Variants in SH3GLB2 observed in about 807,000 individuals in gnomAD.
SH3GLB2 encodes SH3 domain containing GRB2 like, endophilin B2.
SH3GLB2 carries 24 observed loss-of-function variants against 48.0 expected under a neutral mutation model. The ratio of observed to expected loss-of-function variants is 0.50; its 90% CI spans 0.36 to 0.70. The LOEUF (loss-of-function observed/expected upper bound fraction) is 0.70, where lower values mean the gene tolerates loss of function less well. Among genes scored for constraint, SH3GLB2 ranks in the 30% least tolerant of loss-of-function variants. The pLI is 0.00. For missense variants in SH3GLB2, 425 were observed against 516.0 expected (o/e 0.82, Z 1.71); for synonymous variants, 227 against 207.6 (o/e 1.09, Z -0.80).
intron 1 of SH3GLB2, among the ~76,000 whole-genome samples, chr9:129,025,166 C>T (rs1207660525): frequency 6.6e-6 from 1 of 151,272 alleles, no homozygotes; most frequent in Non-Finnish European, 1.5e-5. Context: ...ATCCCACCTA[C>T]TCGGGAGGCT....
chr9:129,026,239 TC>T (rs1300478244), intron 1 of SH3GLB2, among the ~76,000 whole-genome samples: 1 of 152,138 alleles, frequency 6.6e-6, no homozygotes, highest in Admixed American at 6.5e-5. Flanking sequence ...TAAAGTTGTT[TC>T]TTGTACCTGC....
At chr9:129,019,533 C>T (rs922746734) in intron 3 of SH3GLB2, among the ~76,000 whole-genome samples, 3 of 151,530 alleles carry the variant, frequency 2.0e-5, no homozygotes, top group African/African-American at 4.9e-5. Context: ...TGGTGAAACC[C>T]GGTCTCTGCT....
chr9:129,013,257 G>C (rs1001556602), intron 5 of SH3GLB2: 4 of 549,446 alleles, frequency 7.3e-6, no homozygotes, highest in Non-Finnish European at 1.3e-5. Context: ...CCAAGTCCTA[G>C]CTCTGGAAAG....
chr9:129,027,683 C>T (rs911213222), intron 1 of SH3GLB2, among the ~76,000 whole-genome samples: 3 of 152,234 alleles, frequency 2.0e-5, no homozygotes, highest in Non-Finnish European at 2.9e-5. Flanking sequence ...GACTGAGGCT[C>T]GGAGAAGGGG....
intron 3 of SH3GLB2, chr9:129,015,832 C>T: frequency 2.8e-6 from 1 of 352,276 alleles, no homozygotes; most frequent in Non-Finnish European, 5.8e-6. Flanking sequence ...TGCACCACTG[C>T]ACTCCAGTCT....
At chr9:129,027,892 G>C (rs1056134679) in intron 1 of SH3GLB2, among the ~76,000 whole-genome samples, 200 bp downstream of exon 1, 1 of 152,270 alleles carries the variant, frequency 6.6e-6, no homozygotes, top group Non-Finnish European at 1.5e-5. Context: ...CCAGGCAGCA[G>C]GGCCAAGGCC....
In SH3GLB2 at chr9:129,014,532, A is replaced by ACC; in HGVS notation, c.469-31_469-30dup. 6.5e-7 allele frequency: 1 copy of ACC among 1,548,684 alleles called. No individual in the cohort carries two copies. Among genetic ancestry groups the ACC allele is most frequent in the Admixed American group, 2.0e-5 (1 of 51,014 alleles). On this transcript the variant is annotated intron_variant, in intron 4 of 10. Coordinates refer to ENST00000372564, the MANE Select transcript of SH3GLB2 (RefSeq NM_020145.4). This position sits in a 1 kb window ranked among gnomAD's most constrained non-coding sequence, Gnocchi z 4.1. The stretch of plus-strand genomic sequence containing the variant: ...CAGGGCAGGGCATGGGGACAGTGAG[A>ACC]CCCTGGGCTGCCCTGGGAGACCCTG...
chr9:129,026,121 C>T (rs1844148444), intron 1 of SH3GLB2, among the ~76,000 whole-genome samples: 1 of 152,092 alleles, frequency 6.6e-6, no homozygotes, highest in African/African-American at 2.4e-5. Flanking sequence ...GTTCAGGGGC[C>T]CTCCATGCAG....
At chr9:129,010,817 TC>T (rs1843077118) in intron 6 of SH3GLB2, 124 bp from the exon 7 acceptor site, 1 of 1,217,564 alleles carries the variant, frequency 8.2e-7, no homozygotes, top group African/African-American at 1.5e-5. Flanking sequence ...CTGCCCCCCC[TC>T]CCAAACAGGA....
At position 129,022,307 on chromosome 9, in the gene SH3GLB2, T is replaced by A. The variant is rs1843860038; in HGVS notation, c.180A>T (p.Thr60=). The part of the protein sequence containing the change: ...KNWTEKILRQ[T]EVLLQPNPSA... ...TGGGGTTGGGCTGCAGCAGCACCTC[T>A]GTCTGCCTCAAGATCTTCTCTGTCC... Residue 60 remains threonine, a synonymous_variant, in exon 2 of 11, where the codon ACA becomes ACT. Coordinates refer to ENST00000372564, the MANE Select transcript of SH3GLB2 (RefSeq NM_020145.4). The A allele has an allele frequency of 6.2e-7, 1 of 1,613,946 alleles. No homozygotes were observed. Among genetic ancestry groups the A allele is most frequent in the South Asian group, 1.1e-5 (1 of 91,066 alleles).
At chr9:129,017,614 A>T (rs1198657161) in intron 3 of SH3GLB2, among the ~76,000 whole-genome samples, 1 of 151,792 alleles carries the variant, frequency 6.6e-6, no homozygotes. Flanking sequence ...AAAATACAAA[A>T]AATACGCCGG....
chr9:129,015,192 A>G (rs1389310796), intron 3 of SH3GLB2, among the ~76,000 whole-genome samples: 1 of 152,224 alleles, frequency 6.6e-6, no homozygotes, highest in Admixed American at 6.5e-5. Flanking sequence ...TCCCAAAAAA[A>G]GTAACAATAA....
chr9:129,023,504 A>C (rs1440106823), intron 1 of SH3GLB2, among the ~76,000 whole-genome samples: 1 of 152,160 alleles, frequency 6.6e-6, no homozygotes, highest in South Asian at 2.1e-4. Flanking sequence ...AGGAACAACA[A>C]ACACTGTTGG....
chr9:129,023,681 G>A (rs749759488), intron 1 of SH3GLB2, among the ~76,000 whole-genome samples: 1 of 152,178 alleles, frequency 6.6e-6, no homozygotes, highest in Non-Finnish European at 1.5e-5. Context: ...AGCTGCGGTG[G>A]GGGGTGGCGG....
Position 129,012,217 on chromosome 9 carries a change from G to T in SH3GLB2, c.624+19C>A. Reference sequence around the variant, plus strand: ...GAGAGAGGAGGACGAGGGGTGGGGTGGGGGTGGGGTGCGCTTACCGCGGAG... The same window carrying T: ...GAGAGAGGAGGACGAGGGGTGGGGTTGGGGTGGGGTGCGCTTACCGCGGAG... On this transcript the variant is annotated intron_variant, in intron 6 of 10. Transcript: ENST00000372564. 1 of 1,214,380 alleles carries T rather than the reference G, an allele frequency of 8.2e-7. No homozygotes were observed. The highest frequency in any genetic ancestry group is 1.0e-6 in the Non-Finnish European group (1 of 959,618). 75.2% of individuals were successfully genotyped at this position (1,214,380 alleles called of 1,614,324 possible).
At chr9:129,021,387 CT>C (rs1207581747) in intron 2 of SH3GLB2, among the ~76,000 whole-genome samples, 168 bp from the exon 3 acceptor site, 2 of 152,200 alleles carry the variant, frequency 1.3e-5, no homozygotes, top group African/African-American at 2.4e-5. Context: ...TGACCCAGCA[CT>C]ATACAGAGGA....
chr9:129,010,158 C>T lies in SH3GLB2; in HGVS notation c.700G>A (p.Val234Met), dbSNP rs145933434. 2.3e-5 allele frequency: 37 copies of T among 1,614,098 alleles called. No individual in the cohort carries two copies. The highest frequency in any genetic ancestry group is 1.7e-5 in the Non-Finnish European group (20 of 1,180,006). ...ATTCCCTCCAGCAAGAGACGGGTCA[C>T]TTCTGCTTGCCGGTCAAACTCTGTC... Reference protein sequence around the residue: ...AQTEFDRQAEVTRLLLEGISS... With the variant: ...AQTEFDRQAEMTRLLLEGISS... The change falls in exon 8 of 11, where the codon GTG becomes ATG. Residue 234 changes from valine (V) to methionine (M), a missense_variant. By Grantham distance (21) the Val-to-Met change is conservative. Coordinates refer to ENST00000372564, the MANE Select transcript of SH3GLB2 (RefSeq NM_020145.4).
At chr9:129,009,592 CAGTA>C (rs1842983378) in intron 9 of SH3GLB2, 175 bp downstream of exon 9, 1 of 1,497,260 alleles carries the variant, frequency 6.7e-7, no homozygotes, top group Admixed American at 2.0e-5. Context: ...ACTTGGCCGT[CAGTA>C]AGGCCAGCCA....
intron 1 of SH3GLB2, among the ~76,000 whole-genome samples, chr9:129,026,399 C>G (rs938100037): frequency 6.6e-6 from 1 of 152,208 alleles, no homozygotes; most frequent in African/African-American, 2.4e-5. Context: ...TCAGGCCTCT[C>G]TATCCCCTGG....
Sources: gnomAD v4.1 joint callset for allele counts (sites outside exome capture counted in the v4.1 genomes callset) on GRCh38, gnomAD v4.1.1 for gene constraint, Gnocchi (gnomAD v3.1) non-coding constraint, MANE v1.5 for transcripts, NCBI Gene and HGNC (gene_info 2026-07-23, HGNC 2026-07-21) for gene names.